DOCK7: variants seen among roughly 807,000 people sequenced by gnomAD.
DOCK7 encodes dedicator of cytokinesis 7.
Under a neutral mutation model 271.0 loss-of-function variants are expected in DOCK7, and 138 were observed. That is an observed-to-expected ratio of 0.51 (90% confidence interval 0.44 to 0.59). The LOEUF (loss-of-function observed/expected upper bound fraction) is 0.59. Among genes scored for constraint, DOCK7 ranks in the 20% least tolerant of loss-of-function variants. The pLI is 0.00. For synonymous variants in DOCK7, 823 were observed against 876.1 expected, an observed-to-expected ratio of 0.94 and a Z score of 1.07; for missense variants, 2,066 against 2,592.4, an observed-to-expected ratio of 0.80 and a Z score of 4.41.
rs1385793555 is a variant in DOCK7, at chr1:62,543,666, G to T, written c.2939C>A (p.Pro980Gln). The change falls in exon 24 of 50, where the codon CCA becomes CAA. Residue 980 changes from proline to glutamine, a missense_variant. This residue lies in a region of DOCK7 where 1,414 missense variants were observed against 1,670.4 expected (regional missense o/e 0.85). Transcript: ENST00000635253. Reference sequence around the variant, plus strand: ...TTCATATGAATCTACCTTTTTAGTTGGTAAGCGTCCCGTTAATGTTTGTAA... The same window carrying T: ...TTCATATGAATCTACCTTTTTAGTTTGTAAGCGTCCCGTTAATGTTTGTAA... ...SFLQTLTGRL[P>Q]TKKLFHEELA... 3 of 1,597,992 alleles carry T rather than the reference G, an allele frequency of 1.9e-6. No individual in the cohort carries two copies. Among genetic ancestry groups the T allele is most frequent in the Admixed American group, 3.3e-5 (2 of 59,766 alleles).
chr1:62,517,608 C>A (rs557178606), intron 31 of DOCK7, among the ~76,000 whole-genome samples: 2 of 151,926 alleles, frequency 1.3e-5, no homozygotes, highest in African/African-American at 2.4e-5. Flanking sequence ...AAAACAACAA[C>A]AAAAAAACCA....
At chr1:62,686,043 A>T (rs531247552) in intron 1 of DOCK7, among the ~76,000 whole-genome samples, 1 of 152,188 alleles carries the variant, frequency 6.6e-6, no homozygotes, top group Non-Finnish European at 1.5e-5. Flanking sequence ...ATAGACATAC[A>T]ATTTCATATC....
intron 24 of DOCK7, 23 bp downstream of exon 24, chr1:62,543,633 G>A: frequency 6.5e-7 from 1 of 1,543,776 alleles, no homozygotes; most frequent in Non-Finnish European, 8.9e-7. Flanking sequence ...CCCCCTCTAT[G>A]AATTGTCTTC....
Position 62,537,989 on chromosome 1 carries a change from T to C in DOCK7, c.3373A>G (p.Ile1125Val). ...VSLRLDFLRI[I>V]CSHEHYVTLN... Reference sequence around the variant, plus strand: ...GTAACATAGTGCTCATGACTGCAGATGATTCGTAGAAAATCCAGCCTCAAG... The same window carrying C: ...GTAACATAGTGCTCATGACTGCAGACGATTCGTAGAAAATCCAGCCTCAAG... The change falls in exon 28 of 50, where the codon ATC (isoleucine) becomes GTC (valine). Residue 1125 changes from isoleucine to valine, a missense_variant. This residue lies in a region of DOCK7 where 1,414 missense variants were observed against 1,670.4 expected (regional missense o/e 0.85). Transcript: ENST00000635253. The C allele has an allele frequency of 6.2e-7, 1 of 1,614,104 alleles. No individual in the cohort carries two copies. Among genetic ancestry groups the C allele is most frequent in the Non-Finnish European group, 8.5e-7 (1 of 1,179,972 alleles).
At chr1:62,459,592 TAG>T (rs1402733466) in intron 48 of DOCK7, among the ~76,000 whole-genome samples, 1 of 152,186 alleles carries the variant, frequency 6.6e-6, no homozygotes, top group Non-Finnish European at 1.5e-5. Context: ...TAGATTAATG[TAG>T]ATTTTTTGCT....
chr1:62,653,696 G>C, intron 4 of DOCK7, 29 bp downstream of exon 4: 9 of 1,349,706 alleles, frequency 6.7e-6, no homozygotes, highest in Non-Finnish European at 8.5e-6. Context: ...CTCAATATTT[G>C]TAAATGTTGT....
intron 11 of DOCK7, chr1:62,629,038 C>T (rs1654291421): frequency 6.6e-6 from 1 of 152,238 alleles, no homozygotes; most frequent in Middle Eastern, 3.2e-3. Flanking sequence ...ATGAGTACCA[C>T]TTCACTTGCA....
rs1339615644 is a variant in DOCK7, at chr1:62,553,315, TATATATA to T, written c.2597-421_2597-415del. ...GGTCTTCTAAATAAAAAGTATTTTA[TATATATA>T]TATATATATATATATATATATATAT... On this transcript the variant is annotated intron_variant, in intron 21 of 49. Transcript: ENST00000635253. 7.4e-3 allele frequency among the ~76,000 whole-genome samples: 386 copies of T among 52,080 alleles called. 29 individuals carry two copies. Among genetic ancestry groups the T allele is most frequent in the Middle Eastern group, 0.019 (1 of 54 alleles). 34.2% of individuals were successfully genotyped at this position (52,080 alleles called of 152,430 possible).
chr1:62,477,116 A>G (rs974459818), intron 44 of DOCK7: 1 of 152,238 alleles, frequency 6.6e-6, no homozygotes, highest in Admixed American at 6.5e-5. Flanking sequence ...CGGTCCATCC[A>G]CTACACTTTG....
intron 15 of DOCK7, chr1:62,584,172 T>A: frequency 1.0e-6 from 1 of 984,064 alleles, no homozygotes; most frequent in African/African-American, 1.7e-5. Flanking sequence ...TAGAAGGGCA[T>A]ATTAGCAGGT....
intron 33 of DOCK7, among the ~76,000 whole-genome samples, chr1:62,512,465 T>C (rs942408986): frequency 6.6e-6 from 1 of 152,190 alleles, no homozygotes; most frequent in African/African-American, 2.4e-5. Context: ...TTAAGTGACT[T>C]GGCCAAGGTT....
intron 40 of DOCK7, 135 bp downstream of exon 40, chr1:62,494,132 GTGAAATGT>G (rs1646548560): frequency 3.0e-6 from 2 of 669,972 alleles, no homozygotes; most frequent in Admixed American, 6.6e-5. Context: ...GACAATCACT[GTGAAATGT>G]TAATTCACCT....
chr1:62,543,633 G>T, intron 24 of DOCK7, 23 bp downstream of exon 24: 2 of 1,543,772 alleles, frequency 1.3e-6, no homozygotes, highest in South Asian at 1.2e-5. Flanking sequence ...CCCCCTCTAT[G>T]AATTGTCTTC....
Position 62,476,087 on chromosome 1 carries a change from A to G in DOCK7, c.5704T>C (p.Cys1902Arg). Residue 1902 changes from cysteine to arginine, a missense_variant, in exon 45 of 50, where the codon TGT (cysteine) becomes CGT (arginine). Cys to Arg is a radical substitution (Grantham distance 180). This residue lies in a region of DOCK7 where 652 missense variants were observed against 922.1 expected (regional missense o/e 0.71). Coordinates refer to ENST00000635253, the MANE Select transcript of DOCK7 (RefSeq NM_001367561.1). Reference sequence around the variant, plus strand: ...TATACCTTGTTAGGATCTAATTTACACTTGTCTACAGGATTAGAGTCTTTG... The same window carrying G: ...TATACCTTGTTAGGATCTAATTTACGCTTGTCTACAGGATTAGAGTCTTTG... ...VIKDSNPVDK[C>R]KLDPNKAYIQ... The G allele has an allele frequency of 6.2e-7, 1 of 1,613,080 alleles. No homozygotes were observed. The highest frequency in any genetic ancestry group is 8.5e-7 in the Non-Finnish European group (1 of 1,179,462).
intron 14 of DOCK7, chr1:62,601,929 C>T: frequency 1.7e-6 from 2 of 1,178,800 alleles, no homozygotes; most frequent in African/African-American, 1.5e-5. Context: ...TCAACTTACT[C>T]ATTACGTATT....
intron 19 of DOCK7, among the ~76,000 whole-genome samples, chr1:62,561,277 T>C (rs1409069427): frequency 6.6e-6 from 1 of 152,156 alleles, no homozygotes; most frequent in African/African-American, 2.4e-5. Flanking sequence ...CCCTAAAAAC[T>C]CTTTCCATTT....
At chr1:62,561,440 G>A (rs1389553980) in intron 19 of DOCK7, among the ~76,000 whole-genome samples, 177 bp downstream of exon 19, 1 of 151,980 alleles carries the variant, frequency 6.6e-6, no homozygotes, top group East Asian at 1.9e-4. Flanking sequence ...ATGACATTTT[G>A]TTGATTCTTT....
chr1:62,667,551 C>A (rs1023031461), intron 1 of DOCK7, among the ~76,000 whole-genome samples: 2 of 152,164 alleles, frequency 1.3e-5, no homozygotes, highest in Admixed American at 1.3e-4. Context: ...CCCATCTCTA[C>A]TAAAAATACA....
chr1:62,625,587 TACA>T (rs1437390797), intron 11 of DOCK7, among the ~76,000 whole-genome samples, 186 bp from the exon 12 acceptor site: 1 of 152,168 alleles, frequency 6.6e-6, no homozygotes, highest in African/African-American at 2.4e-5. Context: ...GTTGTCTTTT[TACA>T]ACATCACAGG....
Sources: allele counts gnomAD v4.1 joint callset (sites outside exome capture counted in the v4.1 genomes callset), GRCh38; gene constraint gnomAD v4.1.1; regional missense constraint gnomAD v4.1.1; transcripts MANE v1.5; gene names NCBI Gene and HGNC (gene_info 2026-07-23, HGNC 2026-07-21).